Variants in HHAT observed in about 807,000 individuals in gnomAD.
HHAT encodes hedgehog acyltransferase.
HHAT carries 47 observed loss-of-function variants against 70.8 expected under a neutral mutation model. That is an observed-to-expected ratio of 0.66 (90% CI 0.53 to 0.85). The LOEUF (loss-of-function observed/expected upper bound fraction) is 0.85. HHAT is among the 40% of genes least tolerant of loss of function. HHAT has a pLI of 0.00. For missense variants in HHAT, 609 were observed against 604.8 expected (o/e 1.01, Z -0.07); for synonymous variants, 228 against 247.6 (o/e 0.92, Z 0.74).
intron 3 of HHAT, among the ~76,000 whole-genome samples, chr1:210,369,392 T>A (rs1053142978): frequency 1.3e-5 from 2 of 152,204 alleles, no homozygotes; most frequent in Admixed American, 6.5e-5. Context: ...GGAGCTTGAA[T>A]ACGAATGACT....
chr1:210,377,383 A>G (rs1474521370), intron 3 of HHAT, among the ~76,000 whole-genome samples: 1 of 152,194 alleles, frequency 6.6e-6, no homozygotes, highest in African/African-American at 2.4e-5. Flanking sequence ...TGTGGGGAAA[A>G]TAATACAGTT....
chr1:210,608,619 G>C (rs573271664), intron 10 of HHAT, among the ~76,000 whole-genome samples: 1 of 152,222 alleles, frequency 6.6e-6, no homozygotes, highest in East Asian at 1.9e-4. Context: ...GAATTTTTTA[G>C]ATGTGCATTT....
At chr1:210,470,461 C>A (rs2094184370) in intron 8 of HHAT, among the ~76,000 whole-genome samples, 1 of 152,148 alleles carries the variant, frequency 6.6e-6, no homozygotes, top group Non-Finnish European at 1.5e-5. Context: ...TATTTTCTTT[C>A]TTGTAACATT....
intron 9 of HHAT, among the ~76,000 whole-genome samples, chr1:210,558,690 A>G (rs1204603881): frequency 1.3e-5 from 2 of 152,220 alleles, no homozygotes; most frequent in Non-Finnish European, 2.9e-5. Context: ...TTTTATTTCC[A>G]AATGGGTAAG....
At chr1:210,431,823 T>C (rs910282635) in intron 7 of HHAT, among the ~76,000 whole-genome samples, 1 of 151,846 alleles carries the variant, frequency 6.6e-6, no homozygotes, top group African/African-American at 2.4e-5. Context: ...CAGTACTTTG[T>C]ATTAGAGCAA....
intron 9 of HHAT, among the ~76,000 whole-genome samples, chr1:210,524,679 T>A (rs4845042): frequency 0.22 from 33,585 of 152,042 alleles, 4,324 homozygotes; most frequent in Admixed American, 0.32. Context: ...TTTTCAAAAG[T>A]CACTCTGACA....
intron 10 of HHAT, chr1:210,589,698 C>G (rs960816265): frequency 6.6e-6 from 1 of 152,182 alleles, no homozygotes; most frequent in Admixed American, 6.5e-5. Context: ...CTAAAACATT[C>G]GAGTAACCCA....
intron 8 of HHAT, among the ~76,000 whole-genome samples, chr1:210,505,184 CCA>C (rs1284614078): frequency 6.6e-6 from 1 of 152,200 alleles, no homozygotes; most frequent in Non-Finnish European, 1.5e-5. Flanking sequence ...CAGGCATGAA[CCA>C]CCATGCCTGG....
In HHAT at chr1:210,484,226, G is replaced by A. The variant is rs956153414; in HGVS notation, c.1007+19571G>A. Among the ~76,000 whole-genome samples the A allele has an allele frequency of 8.5e-5, 13 of 152,252 alleles. No homozygotes were observed. In the East Asian group the frequency reaches 2.5e-3, roughly 29 times the overall value. ...GAGTTCTAGGATCTTCTTTAATCTG[G>A]AAAATGTCCGTAGCCTTTTTTTGTC... On this transcript the variant is annotated intron_variant, in intron 8 of 11. Transcript: ENST00000261458.
chr1:210,505,002 G>T (rs1042992342), intron 8 of HHAT, among the ~76,000 whole-genome samples: 1 of 150,244 alleles, frequency 6.7e-6, no homozygotes, highest in African/African-American at 2.4e-5. Flanking sequence ...GGGTTCAAGC[G>T]ATTGTCCTGC....
chr1:210,498,728 C>T (rs2094696169), intron 8 of HHAT, among the ~76,000 whole-genome samples: 1 of 149,304 alleles, frequency 6.7e-6, no homozygotes, highest in Non-Finnish European at 1.5e-5. Flanking sequence ...GCCAGGCACT[C>T]TTTTATATGT....
At chr1:210,346,906 C>A (rs2086572091) in intron 1 of HHAT, among the ~76,000 whole-genome samples, 1 of 152,172 alleles carries the variant, frequency 6.6e-6, no homozygotes, top group Non-Finnish European at 1.5e-5. Context: ...TTTGTTTACT[C>A]ACATATTTAG....
chr1:210,418,159 G>A lies in HHAT; in HGVS notation c.690G>A (p.Gln230=), dbSNP rs1266495555. The A allele has an allele frequency of 1.2e-6, 2 of 1,614,120 alleles. No homozygotes were observed. Among genetic ancestry groups the A allele is most frequent in the East Asian group, 2.2e-5 (1 of 44,874 alleles). ...LSFSEFIKQM[Q]QQEHDSLKAS... is the part of the protein sequence containing the mutation. ...CTCTTTTGTTTCCACTTTAGATGCA[G>A]CAGCAGGAGCATGACTCCCTGAAGG... Residue 230 remains glutamine, a synonymous_variant, in exon 7 of 12, where the codon CAG becomes CAA. Transcript: ENST00000261458.
intron 8 of HHAT, among the ~76,000 whole-genome samples, chr1:210,469,402 A>G (rs2094161497): frequency 6.6e-6 from 1 of 152,042 alleles, no homozygotes; most frequent in Admixed American, 6.5e-5. Flanking sequence ...AAGGGAGATG[A>G]CCACCAGGAT....
At chr1:210,633,989 AT>A (rs1268585670) in intron 11 of HHAT, among the ~76,000 whole-genome samples, 2 of 152,282 alleles carry the variant, frequency 1.3e-5, no homozygotes, top group South Asian at 2.1e-4. Flanking sequence ...AAAAAAAAAT[AT>A]TTTTTGGTTA....
At chr1:210,375,662 TC>T (rs1415931006) in intron 3 of HHAT, among the ~76,000 whole-genome samples, 3 of 152,056 alleles carry the variant, frequency 2.0e-5, no homozygotes, top group South Asian at 4.2e-4. Context: ...AATTTGGAGA[TC>T]TTTTTTTTTT....
intron 3 of HHAT, 66 bp downstream of exon 3, chr1:210,362,985 G>A (rs1436020514): frequency 2.4e-6 from 3 of 1,276,234 alleles, no homozygotes; most frequent in African/African-American, 1.5e-5. Context: ...CATCACATTT[G>A]TATTTGGAGT....
chr1:210,615,458 C>T (rs1667500294), intron 10 of HHAT, among the ~76,000 whole-genome samples: 1 of 152,224 alleles, frequency 6.6e-6, no homozygotes. Context: ...ATTCTCCGTC[C>T]AGCTTTGTTC....
chr1:210,623,461 A>T (rs1296455230), intron 10 of HHAT, 65 bp from the exon 11 acceptor site: 1 of 1,586,440 alleles, frequency 6.3e-7, no homozygotes, highest in African/African-American at 1.3e-5. Flanking sequence ...AGAAAGCTGG[A>T]TGGTATCTTA....
Sources: gnomAD v4.1 joint callset for allele counts (sites outside exome capture counted in the v4.1 genomes callset) on GRCh38, gnomAD v4.1.1 for gene constraint, MANE v1.5 for transcripts, NCBI Gene and HGNC (gene_info 2026-07-23, HGNC 2026-07-21) for gene names.